Variants in TMEM168 observed in about 807,000 individuals in gnomAD.
TMEM168 encodes the protein transmembrane protein 168.
A neutral mutation model predicts 53.2 loss-of-function variants in TMEM168; 40 were observed. The observed-to-expected ratio is 0.75, with a 90% CI of 0.58 to 0.98. The LOEUF (loss-of-function observed/expected upper bound fraction) is 0.98, where lower values mean the gene tolerates loss of function less well. Among genes scored for constraint, TMEM168 ranks in the 50% least tolerant of loss-of-function variants. The pLI is 0.00. For missense variants in TMEM168, 771 were observed against 828.8 expected (o/e 0.93, Z 0.86); for synonymous variants, 282 against 293.0 (o/e 0.96, Z 0.38).
chr7:112,775,068 G>A, intron 3 of TMEM168, 108 bp downstream of exon 3: 1 of 930,772 alleles, frequency 1.1e-6, no homozygotes, highest in Non-Finnish European at 1.4e-6. Flanking sequence ...AAATGCACAA[G>A]TTATATTTTG....
chr7:112,776,938 A>AAATT (rs746511899), intron 2 of TMEM168, among the ~76,000 whole-genome samples: 1 of 152,068 alleles, frequency 6.6e-6, no homozygotes, highest in Non-Finnish European at 1.5e-5. Flanking sequence ...AAACTAGAAT[A>AAATT]AATATCAAGT....
At chr7:112,778,521 C>T (rs1412465553) in intron 2 of TMEM168, 1 of 152,178 alleles carries the variant, frequency 6.6e-6, no homozygotes, top group Non-Finnish European at 1.5e-5. Context: ...TGATTGATTT[C>T]CAGGCTATTA....
chr7:112,776,335 G>GA (rs1334564620), intron 2 of TMEM168, among the ~76,000 whole-genome samples: 1 of 151,530 alleles, frequency 6.6e-6, no homozygotes, highest in African/African-American at 2.4e-5. Flanking sequence ...TAACTGCAAT[G>GA]AAAAAGCAGA....
intron 2 of TMEM168, among the ~76,000 whole-genome samples, chr7:112,780,035 T>A (rs1793187226): frequency 6.6e-6 from 1 of 152,212 alleles, no homozygotes; most frequent in Non-Finnish European, 1.5e-5. Context: ...AAAACTTTGC[T>A]TGTTTCAGGA....
chr7:112,776,293 G>A (rs527689054), intron 2 of TMEM168, among the ~76,000 whole-genome samples: 1 of 151,816 alleles, frequency 6.6e-6, no homozygotes, highest in African/African-American at 2.4e-5. Context: ...AAGTAGACAG[G>A]CAGAAGAAAT....
chr7:112,774,665 C>T (rs547527091), intron 3 of TMEM168, among the ~76,000 whole-genome samples: 45 of 151,890 alleles, frequency 3.0e-4, no homozygotes, highest in Non-Finnish European at 5.6e-4. Flanking sequence ...ACTGCAACCT[C>T]CGCCTCCCAG....
Position 112,784,293 on chromosome 7 carries a change from A to G in TMEM168, c.533T>C (p.Leu178Pro). ...AGCTACAACAAGCAAAATGACACTC[A>G]GAGACTTCTCCACCAACATAGTTGT... is the stretch of plus-strand genomic sequence containing the variant. Reference protein sequence around the residue: ...ASTTMLVEKSLSVILLVVALA... With the variant: ...ASTTMLVEKSPSVILLVVALA... Residue 178 changes from leucine to proline, a missense_variant, in exon 2 of 5, where the codon CTG (leucine) becomes CCG (proline). Physicochemically the swap from Leu to Pro is moderately conservative, Grantham distance 98 (BLOSUM62 -3). Transcript: ENST00000312814. 6.2e-7 allele frequency: 1 copy of G among 1,614,220 alleles called. No homozygotes were observed. Among genetic ancestry groups the G allele is most frequent in the Non-Finnish European group, 8.5e-7 (1 of 1,180,032 alleles).
At position 112,766,878 on chromosome 7, in the gene TMEM168, C is replaced by A; in HGVS notation, c.*319G>T. 4.4e-6 allele frequency: 1 copy of A among 229,144 alleles called. No individual in the cohort carries two copies. The highest frequency in any genetic ancestry group is 8.5e-6 in the Non-Finnish European group (1 of 117,960). The allele number at this position is 229,144 out of a possible 1,614,324, so 14.2% of individuals were successfully genotyped here. A position where few individuals can be genotyped will look rare whatever the true frequency, so the allele number is the denominator to read the frequency against. On this transcript the variant is annotated 3_prime_UTR_variant, in exon 5 of 5. Transcript: ENST00000312814. ...CCTAGAAAATAAGGCATTAGTAATTCATCATTGACCATTGCAGAGCATAGA... is the reference window on the plus strand; with the variant it reads ...CCTAGAAAATAAGGCATTAGTAATTAATCATTGACCATTGCAGAGCATAGA...
At chr7:112,769,292 G>C (rs1308343088) in intron 4 of TMEM168, among the ~76,000 whole-genome samples, 1 of 152,068 alleles carries the variant, frequency 6.6e-6, no homozygotes. Context: ...TCAGTACATT[G>C]TCTCCACATA....
chr7:112,767,581 C>T lies in TMEM168; in HGVS notation c.1710G>A (p.Glu570=), dbSNP rs1792817056. The T allele has an allele frequency of 1.2e-6, 2 of 1,614,154 alleles. No individual in the cohort carries two copies. The highest frequency in any genetic ancestry group is 1.3e-5 in the African/African-American group (1 of 75,062). Residue 570 remains glutamate (E), a synonymous_variant, in exon 5 of 5, where the codon GAG becomes GAA. Transcript: ENST00000312814. ...NDQYIAVQGA[E]LIKTVDIEEA... Reference sequence around the variant, plus strand: ...CTTCAATATCTACTGTTTTTATCAACTCTGCTCCTTGCACTGCAATATACT... The same window carrying T: ...CTTCAATATCTACTGTTTTTATCAATTCTGCTCCTTGCACTGCAATATACT...
chr7:112,782,834 CT>C (rs1295869961), intron 2 of TMEM168, among the ~76,000 whole-genome samples: 1 of 152,228 alleles, frequency 6.6e-6, no homozygotes, highest in Non-Finnish European at 1.5e-5. Flanking sequence ...GCAGAGCTGA[CT>C]TTCCTTTATG....
chr7:112,775,829 G>A (rs1426206744), intron 2 of TMEM168, among the ~76,000 whole-genome samples: 2 of 151,854 alleles, frequency 1.3e-5, no homozygotes, highest in East Asian at 1.9e-4. Flanking sequence ...AACTAATTCC[G>A]TTTATATGGT....
chr7:112,790,184 C>G lies in TMEM168; in HGVS notation c.-153G>C, dbSNP rs1278872865. ...CCTGACTCGGCCGTCGCCACCAACG[C>G]GCTCTCCCAACCCTCGGAGTCAGTT... On this transcript the variant is annotated 5_prime_UTR_variant, in exon 1 of 5. Coordinates refer to ENST00000312814, the MANE Select transcript of TMEM168 (RefSeq NM_022484.6). 1.3e-5 allele frequency: 2 copies of G among 153,002 alleles called. No homozygotes were observed. Among genetic ancestry groups the G allele is most frequent in the African/African-American group, 2.4e-5 (1 of 41,476 alleles). The allele number at this position is 153,002 out of a possible 1,614,324, so 9.5% of individuals were successfully genotyped here. A position where few individuals can be genotyped will look rare whatever the true frequency, so the allele number is the denominator to read the frequency against.
chr7:112,767,345 G>A lies in TMEM168; in HGVS notation c.1946C>T (p.Pro649Leu). ...WMLHFPRITY[P>L]LVHLANWLCG... Reference sequence around the variant, plus strand: ...TAACCAATTTGCCAAATGCACTAGGGGATATGTAATACGAGGAAAGTGTAA... The same window carrying A: ...TAACCAATTTGCCAAATGCACTAGGAGATATGTAATACGAGGAAAGTGTAA... The change falls in exon 5 of 5, where the codon CCC becomes CTC. Residue 649 changes from proline to leucine, a missense_variant. Physicochemically the swap from Pro to Leu is moderately conservative, Grantham distance 98. Transcript: ENST00000312814. 4 of 1,614,114 alleles carry A rather than the reference G, an allele frequency of 2.5e-6. No homozygotes were observed. The highest frequency in any genetic ancestry group is 3.4e-6 in the Non-Finnish European group (4 of 1,180,010).
rs762367854 is a variant in TMEM168 at position 112,784,242 on chromosome 7, C to A, written c.584G>T (p.Arg195Ile). 15 of 1,613,772 alleles carry A rather than the reference C, an allele frequency of 9.3e-6. No homozygotes were observed. The East Asian group carries it at 3.1e-4, about 34-fold the overall frequency. ...TGGAATAGCTAAGAAAGATTTCATTCTCAGATCAATAATCAGCATAGCCAG... is the reference window on the plus strand; with the variant it reads ...TGGAATAGCTAAGAAAGATTTCATTATCAGATCAATAATCAGCATAGCCAG... The part of the protein sequence containing the change: ...VALAMLIIDL[R>I]MKSFLAIPNL... Residue 195 changes from arginine to isoleucine, a missense_variant, in exon 2 of 5, where the codon AGA becomes ATA. Transcript: ENST00000312814.
chr7:112,777,549 T>A (rs1298447875), intron 2 of TMEM168, among the ~76,000 whole-genome samples: 2 of 152,168 alleles, frequency 1.3e-5, no homozygotes, highest in Admixed American at 6.5e-5. Flanking sequence ...CTGAGTCTTA[T>A]CCTTTCCTTC....
At chr7:112,785,436 A>C (rs1793352466) in intron 1 of TMEM168, among the ~76,000 whole-genome samples, 1 of 152,210 alleles carries the variant, frequency 6.6e-6, no homozygotes, top group South Asian at 2.1e-4. Context: ...TCTTTTTACA[A>C]GCCAGCTCTA....
chr7:112,767,114 T>TAAA lies in TMEM168; in HGVS notation c.*80_*82dup. 4 of 1,370,156 alleles carry TAAA rather than the reference T, an allele frequency of 2.9e-6. No homozygotes were observed. The South Asian group carries it at 4.3e-5, about 15-fold the overall frequency. 84.9% of individuals were successfully genotyped at this position (1,370,156 alleles called of 1,614,324 possible). ...GAAGTAGCAAGGTATTTTCCACAAA[T>TAAA]AAAAATACAGCATACAAAAAATGGC... On this transcript the variant is annotated 3_prime_UTR_variant, in exon 5 of 5. Coordinates refer to ENST00000312814, the MANE Select transcript of TMEM168 (RefSeq NM_022484.6).
rs2116210839 is a variant in TMEM168, at chr7:112,766,801, A to G, written c.*396T>C. On this transcript the variant is annotated 3_prime_UTR_variant, in exon 5 of 5. Coordinates refer to ENST00000312814, the MANE Select transcript of TMEM168 (RefSeq NM_022484.6). ...CTGTAAGTAAACTGGTAGTTTTCTTAAAACAGTAAACAAATTTATCTGGTC... is the reference window on the plus strand; with the variant it reads ...CTGTAAGTAAACTGGTAGTTTTCTTGAAACAGTAAACAAATTTATCTGGTC... 6.3e-6 allele frequency: 1 copy of G among 158,650 alleles called. No homozygotes were observed. Among genetic ancestry groups the G allele is most frequent in the East Asian group, 1.9e-4 (1 of 5,334 alleles). 9.8% of individuals were successfully genotyped at this position (158,650 alleles called of 1,614,324 possible). A position where few individuals can be genotyped will look rare whatever the true frequency, so the allele number is the denominator to read the frequency against.
Sources: allele counts gnomAD v4.1 joint callset (sites outside exome capture counted in the v4.1 genomes callset), GRCh38; gene constraint gnomAD v4.1.1; transcripts MANE v1.5; gene names NCBI Gene and HGNC (gene_info 2026-07-23, HGNC 2026-07-21).